Variants in PTPRD observed in about 807,000 individuals in gnomAD.
PTPRD encodes the protein protein tyrosine phosphatase receptor type D, also known as receptor-type tyrosine-protein phosphatase delta.
A neutral mutation model predicts 214.5 loss-of-function variants in PTPRD; 34 were observed. The ratio of observed to expected loss-of-function variants is 0.16; its 90% CI spans 0.12 to 0.21. The LOEUF (loss-of-function observed/expected upper bound fraction) is 0.21, where lower values mean the gene tolerates loss of function less well. PTPRD is among the 10% of genes least tolerant of loss of function. The pLI, the probability that PTPRD is intolerant of heterozygous loss-of-function variation, is 1.00. For missense variants in PTPRD, 2,545 were observed against 2,398.7 expected (o/e 1.06, Z -1.27); for synonymous variants, 1,128 against 845.7 (o/e 1.33, Z -5.79).
At chr9:9,248,891 A>T (rs2099974189) in intron 9 of PTPRD, among the ~76,000 whole-genome samples, 1 of 152,064 alleles carries the variant, frequency 6.6e-6, no homozygotes, top group Non-Finnish European at 1.5e-5. Flanking sequence ...TTCTACTCTA[A>T]AGAATCATGG....
rs1245284728 is a variant in PTPRD, at chr9:10,231,989, A to AGAGAGAGAGAGTGTGTGTGT, written c.-545+108973_-545+108974insACACACACACTCTCTCTCTC. ...GAGAGAGAGAGAGAGAGAGAGAGAG[A>AGAGAGAGAGAGTGTGTGTGT]GTGTGTGTGTGTGTGTGTGTGTGTG... On this transcript the variant is annotated intron_variant, in intron 3 of 45. Coordinates refer to ENST00000381196, the MANE Select transcript of PTPRD (RefSeq NM_002839.4). Among the ~76,000 whole-genome samples, 398 of 92,432 alleles carry AGAGAGAGAGAGTGTGTGTGT rather than the reference A, an allele frequency of 4.3e-3. 3 individuals carry two copies. Among genetic ancestry groups the AGAGAGAGAGAGTGTGTGTGT allele is most frequent in the African/African-American group, 0.018 (335 of 18,914 alleles). 60.6% of individuals were successfully genotyped at this position (92,432 alleles called of 152,430 possible). A position where few individuals can be genotyped will look rare whatever the true frequency, so the allele number is the denominator to read the frequency against.
rs35624418 is a variant in PTPRD, at chr9:9,913,872, G to A, written c.-368+24635C>T. 7.7e-3 allele frequency among the ~76,000 whole-genome samples: 1,166 copies of A among 152,230 alleles called. 7 individuals carry two copies. The highest frequency in any genetic ancestry group is 0.013 in the Non-Finnish European group (858 of 68,016). On this transcript the variant is annotated intron_variant, in intron 5 of 45. Transcript: ENST00000381196. ...GCCATTAGCCAAGCTGCCACAGCATGTTGCCATCTCAAGATCAGAGCCACC... is the reference window on the plus strand; with the variant it reads ...GCCATTAGCCAAGCTGCCACAGCATATTGCCATCTCAAGATCAGAGCCACC...
chr9:9,989,679 G>A (rs548014331), intron 4 of PTPRD, among the ~76,000 whole-genome samples: 26 of 152,272 alleles, frequency 1.7e-4, no homozygotes, highest in East Asian at 5.8e-4. Flanking sequence ...AGAGGCTGTC[G>A]CATTGACTCT....
intron 5 of PTPRD, among the ~76,000 whole-genome samples, chr9:9,861,090 G>T (rs1427370647): frequency 5.9e-5 from 9 of 152,122 alleles, no homozygotes; most frequent in Admixed American, 2.6e-4. Flanking sequence ...ATGAATCCCA[G>T]TTGGCTTTTG....
At chr9:9,293,113 T>G (rs1951755096) in intron 9 of PTPRD, among the ~76,000 whole-genome samples, 1 of 151,388 alleles carries the variant, frequency 6.6e-6, no homozygotes, top group African/African-American at 2.4e-5. Context: ...AAGTGGAGAG[T>G]TATGCTTTAC....
At chr9:8,739,822 G>A (rs752412984) in intron 11 of PTPRD, among the ~76,000 whole-genome samples, 4 of 152,154 alleles carry the variant, frequency 2.6e-5, no homozygotes, top group Non-Finnish European at 5.9e-5. Flanking sequence ...TTCCTGTGCT[G>A]TTCCCATGAT....
At chr9:9,919,887 T>C (rs547278079) in intron 5 of PTPRD, among the ~76,000 whole-genome samples, 5 of 152,276 alleles carry the variant, frequency 3.3e-5, no homozygotes, top group South Asian at 4.1e-4. Flanking sequence ...GTGGATATAA[T>C]AGGACTTCAG....
At chr9:9,498,704 T>G (rs2096287851) in intron 8 of PTPRD, among the ~76,000 whole-genome samples, 1 of 151,996 alleles carries the variant, frequency 6.6e-6, no homozygotes, top group Admixed American at 6.6e-5. Flanking sequence ...TCAGGAATAT[T>G]TTGCCACTGA....
At chr9:8,463,388 T>C (rs2096469120) in intron 32 of PTPRD, among the ~76,000 whole-genome samples, 1 of 148,518 alleles carries the variant, frequency 6.7e-6, no homozygotes, top group Non-Finnish European at 1.5e-5. Context: ...ACTATATATC[T>C]AAGAAACATG....
chr9:9,672,639 T>C (rs1564456033), intron 7 of PTPRD, among the ~76,000 whole-genome samples: 5 of 152,074 alleles, frequency 3.3e-5, no homozygotes. Flanking sequence ...AAGTAAATTT[T>C]TGAGCTCTAT....
rs114107724 is a variant in PTPRD, at chr9:8,509,187, G to C, written c.1544-1753C>G. ...GAAGATAAAAGATTGAGAAGCAAGA[G>C]GCAGAGGGACAGAGGGGAACAAAAC... is the stretch of plus-strand genomic sequence containing the variant. On this transcript the variant is annotated intron_variant, in intron 21 of 45. Transcript: ENST00000381196. Among the ~76,000 whole-genome samples the C allele has an allele frequency of 3.5e-3, 535 of 152,140 alleles. 1 individual carries two copies. Among genetic ancestry groups the C allele is most frequent in the Middle Eastern group, 0.031 (9 of 294 alleles).
intron 13 of PTPRD, among the ~76,000 whole-genome samples, chr9:8,633,833 G>C (rs893372005): frequency 6.6e-6 from 1 of 151,924 alleles, no homozygotes; most frequent in African/African-American, 2.4e-5. Context: ...GCACATATAC[G>C]AATGTGGATT....
intron 12 of PTPRD, among the ~76,000 whole-genome samples, chr9:8,663,135 C>G (rs991309637): frequency 2.6e-5 from 4 of 151,608 alleles, no homozygotes; most frequent in Non-Finnish European, 4.4e-5. Flanking sequence ...ACTGACTCTT[C>G]CAACTGGTCT....
chr9:9,665,859 T>C (rs1218173520), intron 7 of PTPRD, among the ~76,000 whole-genome samples: 6 of 151,918 alleles, frequency 3.9e-5, no homozygotes, highest in Non-Finnish European at 7.4e-5. Context: ...GAGAATTTAA[T>C]TGGTAATTTG....
chr9:8,818,423 A>C (rs896610865), intron 11 of PTPRD, among the ~76,000 whole-genome samples: 8 of 152,224 alleles, frequency 5.3e-5, no homozygotes, highest in African/African-American at 1.9e-4. Context: ...AGTAAGATTA[A>C]TCATTTAGTA....
chr9:10,166,450 T>C (rs138841771), intron 3 of PTPRD, among the ~76,000 whole-genome samples: 29 of 152,050 alleles, frequency 1.9e-4, no homozygotes, highest in African/African-American at 7.0e-4. Flanking sequence ...GTCTAGTTCA[T>C]TAATAGTTTT....
chr9:9,609,112 T>C (rs967385964), intron 7 of PTPRD, among the ~76,000 whole-genome samples: 10 of 152,158 alleles, frequency 6.6e-5, no homozygotes, highest in Non-Finnish European at 4.4e-5. Context: ...GACTTACAAT[T>C]TGTGCACATA....
intron 3 of PTPRD, among the ~76,000 whole-genome samples, chr9:10,323,079 A>G (rs1014552322): frequency 9.2e-5 from 14 of 152,066 alleles, no homozygotes; most frequent in African/African-American, 3.4e-4. Flanking sequence ...CTATTTCAAA[A>G]TACATTTAAA....
intron 4 of PTPRD, among the ~76,000 whole-genome samples, chr9:9,945,444 CAAG>C (rs1018625242): frequency 6.6e-5 from 10 of 152,016 alleles, no homozygotes; most frequent in Admixed American, 5.2e-4. Context: ...AGATAAAAAT[CAAG>C]AAGAAGTAAA....
Sources: gnomAD v4.1 joint callset for allele counts (sites outside exome capture counted in the v4.1 genomes callset) on GRCh38, gnomAD v4.1.1 for gene constraint, MANE v1.5 for transcripts, NCBI Gene and HGNC (gene_info 2026-07-23, HGNC 2026-07-21) for gene names.